The following PTPN5 variants were observed in gnomAD, a reference collection of about 807,000 sequenced individuals.
The protein encoded by PTPN5 is tyrosine-protein phosphatase non-receptor type 5.
In PTPN5, 29 loss-of-function variants were observed where a neutral mutation model predicts 73.9. The observed-to-expected ratio is 0.39, with a 90% CI of 0.29 to 0.54. The LOEUF is 0.54. Ranked by LOEUF, PTPN5 falls within the 20% of genes least tolerant of loss-of-function variation. PTPN5 has a pLI of 0.65. For synonymous variants in PTPN5, 267 were observed against 304.7 expected, an observed-to-expected ratio of 0.88 and a Z score of 1.29; for missense variants, 652 against 751.4, an observed-to-expected ratio of 0.87 and a Z score of 1.55.
chr11:18,738,972 C>CAAAA (rs375555659), intron 8 of PTPN5, among the ~76,000 whole-genome samples: 1 of 70,072 alleles, frequency 1.4e-5, no homozygotes, highest in Non-Finnish European at 3.0e-5. Flanking sequence ...AACCCTGTCT[C>CAAAA]AAAAAAAAAA....
At position 18,742,822 on chromosome 11, in the gene PTPN5, G is replaced by T. The variant is rs891503332; in HGVS notation, c.483+170C>A. ...CCCAGATCACTGCAAACCAATTTTC[G>T]GAAAGAAGGAGGCTCTTGCCCCAGG... is the stretch of plus-strand genomic sequence containing the variant. On this transcript the variant is annotated intron_variant, in intron 6 of 14. Transcript: ENST00000358540. The surrounding 1 kb of genome is among the most constrained non-coding windows in gnomAD (Gnocchi z 4.1). Among the ~76,000 whole-genome samples, 1 of 152,128 alleles carries T rather than the reference G, an allele frequency of 6.6e-6. No individual in the cohort carries two copies. The highest frequency in any genetic ancestry group is 2.4e-5 in the African/African-American group (1 of 41,410).
chr11:18,767,538 A>G (rs1392751266), intron 2 of PTPN5, among the ~76,000 whole-genome samples: 2 of 152,184 alleles, frequency 1.3e-5, no homozygotes, highest in African/African-American at 4.8e-5. Context: ...GGTTGCTGGC[A>G]TCCACTCGGG....
At chr11:18,780,148 G>C (rs1283507565) in intron 1 of PTPN5, among the ~76,000 whole-genome samples, 1 of 152,196 alleles carries the variant, frequency 6.6e-6, no homozygotes, top group Non-Finnish European at 1.5e-5. Flanking sequence ...GGCTCTGTCA[G>C]GTGTTCCTGG....
At position 18,729,605 on chromosome 11, in the gene PTPN5, A is replaced by G. The variant is rs1396459698; in HGVS notation, c.1491-39T>C. 2 of 1,570,186 alleles carry G rather than the reference A, an allele frequency of 1.3e-6. No individual in the cohort carries two copies. The highest frequency in any genetic ancestry group is 2.7e-5 in the African/African-American group (2 of 74,498). ...GGACCGGTGGGGTGAGGGGCAGGGC[A>G]GCCCAGCGGGTGGGGGGCTGCCCCG... On this transcript the variant is annotated intron_variant, in intron 13 of 14. Transcript: ENST00000358540. This position sits in a 1 kb window ranked among gnomAD's most constrained non-coding sequence, Gnocchi z 5.2.
At chr11:18,772,760 T>C (rs561490485) in intron 1 of PTPN5, among the ~76,000 whole-genome samples, 197 of 152,318 alleles carry the variant, frequency 1.3e-3, no homozygotes, top group African/African-American at 4.3e-3. Flanking sequence ...ACACCTGCTA[T>C]GTTCAGGCTA....
chr11:18,785,762 C>T lies in PTPN5; in HGVS notation c.-114+5763G>A, dbSNP rs183680800. 1.9e-3 allele frequency among the ~76,000 whole-genome samples: 284 copies of T among 151,984 alleles called. 3 individuals carry two copies. Among genetic ancestry groups the T allele is most frequent in the Middle Eastern group, 0.017 (5 of 294 alleles). Reference sequence around the variant, plus strand: ...AGACACTTCAGGACTTGGTGTGTCTCTCTAATGACTCCAACCAACTACCTC... The same window carrying T: ...AGACACTTCAGGACTTGGTGTGTCTTTCTAATGACTCCAACCAACTACCTC... On this transcript the variant is annotated intron_variant, in intron 1 of 14. Transcript: ENST00000358540.
At chr11:18,764,762 GA>G (rs1850558828) in intron 3 of PTPN5, among the ~76,000 whole-genome samples, 1 of 152,156 alleles carries the variant, frequency 6.6e-6, no homozygotes, top group Non-Finnish European at 1.5e-5. Flanking sequence ...GCCCAGGCTG[GA>G]GTGCAGTGGC....
intron 12 of PTPN5, among the ~76,000 whole-genome samples, chr11:18,731,178 ATATAT>A (rs898724466): frequency 1.0e-4 from 15 of 147,580 alleles, no homozygotes; most frequent in African/African-American, 3.2e-4. Context: ...TATATATTTT[ATATAT>A]TATATATTTA....
rs1187021430 is a variant in PTPN5, at chr11:18,728,920, T to C, written c.*14A>G. ...GCTGGGCAGTGCCCAGAGAACCTTG[T>C]AGGAGAAGCGCAGTCATTCTGGGGA... On this transcript the variant is annotated 3_prime_UTR_variant, in exon 15 of 15. Transcript: ENST00000358540. The surrounding 1 kb of genome is among the most constrained non-coding windows in gnomAD (Gnocchi z 4.1). 1 of 1,610,704 alleles carries C rather than the reference T, an allele frequency of 6.2e-7. No homozygotes were observed. Among genetic ancestry groups the C allele is most frequent in the Non-Finnish European group, 8.5e-7 (1 of 1,178,676 alleles).
intron 3 of PTPN5, among the ~76,000 whole-genome samples, chr11:18,745,535 T>C (rs751002): frequency 0.73 from 111,103 of 152,002 alleles, 41,441 homozygotes; most frequent in East Asian, 0.96. Context: ...CAACACTCTG[T>C]TCCCCTCCCC....
At chr11:18,768,206 T>A (rs1850722899) in intron 2 of PTPN5, among the ~76,000 whole-genome samples, 1 of 152,256 alleles carries the variant, frequency 6.6e-6, no homozygotes, top group African/African-American at 2.4e-5. Flanking sequence ...TGAGCTGCTT[T>A]GTGGACGGGT....
rs1037099078 is a variant in PTPN5, at chr11:18,742,620, C to T, written c.484-117G>A. 1.4e-6 allele frequency: 2 copies of T among 1,455,056 alleles called. No individual in the cohort carries two copies. Among genetic ancestry groups the T allele is most frequent in the Admixed American group, 4.1e-5 (2 of 48,982 alleles). The allele number at this position is 1,455,056 out of a possible 1,614,324, so 90.1% of individuals were successfully genotyped here. ...CCTCAGTGTGTCTAGAGCAGCTCTG[C>T]TCTCCTGGGAGTTGTCCACAAGGCA... is the stretch of plus-strand genomic sequence containing the variant. On this transcript the variant is annotated intron_variant, in intron 6 of 14. Coordinates refer to ENST00000358540, the MANE Select transcript of PTPN5 (RefSeq NM_006906.2). This position sits in a 1 kb window ranked among gnomAD's most constrained non-coding sequence, Gnocchi z 4.1.
intron 3 of PTPN5, among the ~76,000 whole-genome samples, chr11:18,756,206 T>G (rs1453205180): frequency 3.3e-5 from 5 of 151,838 alleles, no homozygotes; most frequent in Admixed American, 3.3e-4. Flanking sequence ...AAGGCAACAT[T>G]ACCCCAGCTG....
intron 9 of PTPN5, among the ~76,000 whole-genome samples, chr11:18,737,241 G>A (rs1305748789): frequency 3.3e-5 from 5 of 152,170 alleles, no homozygotes; most frequent in African/African-American, 1.2e-4. Flanking sequence ...AGGAGCATCA[G>A]GTCACCTGGT....
intron 9 of PTPN5, among the ~76,000 whole-genome samples, chr11:18,737,000 A>C (rs1349166074): frequency 6.6e-6 from 1 of 152,238 alleles, no homozygotes; most frequent in African/African-American, 2.4e-5. Flanking sequence ...ATATTTTAAA[A>C]GTTAAAAATA....
intron 8 of PTPN5, among the ~76,000 whole-genome samples, chr11:18,738,576 C>T (rs1849220180): frequency 6.6e-6 from 1 of 152,174 alleles, no homozygotes; most frequent in Admixed American, 6.5e-5. Flanking sequence ...TGTTGTTAAT[C>T]TGCTGTTCTC....
chr11:18,732,109 G>C (rs1848903162), intron 12 of PTPN5, among the ~76,000 whole-genome samples: 1 of 152,106 alleles, frequency 6.6e-6, no homozygotes, highest in Non-Finnish European at 1.5e-5. Context: ...TGTAACCACA[G>C]CCCCCTGTAC....
At chr11:18,744,577 C>T (rs1849531106) in intron 3 of PTPN5, among the ~76,000 whole-genome samples, 1 of 151,956 alleles carries the variant, frequency 6.6e-6, no homozygotes, top group South Asian at 2.1e-4. Context: ...ATGGCATAAC[C>T]AGGCCATGAC....
intron 1 of PTPN5, among the ~76,000 whole-genome samples, chr11:18,775,318 C>G (rs868303791): frequency 2.0e-4 from 30 of 152,302 alleles, no homozygotes; most frequent in Middle Eastern, 3.4e-3. Flanking sequence ...TTAAAAAATC[C>G]TCACCATAAA....
Sources: allele counts gnomAD v4.1 joint callset (sites outside exome capture counted in the v4.1 genomes callset), GRCh38; gene constraint gnomAD v4.1.1; non-coding constraint Gnocchi (gnomAD v3.1); transcripts MANE v1.5; gene names NCBI Gene and HGNC (gene_info 2026-07-23, HGNC 2026-07-21).